The following GRK5 variants were observed in gnomAD, a reference collection of about 807,000 sequenced individuals.
GRK5 encodes g protein-coupled receptor kinase GRK5.
GRK5 carries 40 observed loss-of-function variants against 78.4 expected under a neutral mutation model. That is an observed-to-expected ratio of 0.51 (90% confidence interval 0.40 to 0.66). GRK5 has a LOEUF of 0.66. Ranked by LOEUF, GRK5 falls within the 30% of genes least tolerant of loss-of-function variation. GRK5 has a pLI of 0.00. For missense variants in GRK5, 598 were observed against 759.9 expected, an observed-to-expected ratio of 0.79 and a Z score of 2.50; for synonymous variants, 289 against 296.8, an observed-to-expected ratio of 0.97 and a Z score of 0.27.
intron 1 of GRK5, among the ~76,000 whole-genome samples, chr10:119,304,188 A>G (rs1339245514): frequency 6.6e-6 from 1 of 151,622 alleles, no homozygotes; most frequent in East Asian, 1.9e-4. Flanking sequence ...GAAGGACCAG[A>G]GCAGTGGGAT....
rs1226545182 is a variant in GRK5 at position 119,430,999 on chromosome 10, G to A, written c.598-388G>A. Among the ~76,000 whole-genome samples, 1 of 152,204 alleles carries A rather than the reference G, an allele frequency of 6.6e-6. No homozygotes were observed. Among genetic ancestry groups the A allele is most frequent in the African/African-American group, 2.4e-5 (1 of 41,456 alleles). On this transcript the variant is annotated intron_variant, in intron 7 of 15. Coordinates refer to ENST00000392870, the MANE Select transcript of GRK5 (RefSeq NM_005308.3). The surrounding 1 kb of genome is among the most constrained non-coding windows in gnomAD (Gnocchi z 4.5). ...CCCGCTTATCTGGATTATGAAGTCAGTGTTCTTGAGGATCTCCTATCACTG... is the reference window on the plus strand; with the variant it reads ...CCCGCTTATCTGGATTATGAAGTCAATGTTCTTGAGGATCTCCTATCACTG...
At chr10:119,226,481 G>A (rs1440625012) in intron 1 of GRK5, among the ~76,000 whole-genome samples, 1 of 150,606 alleles carries the variant, frequency 6.6e-6, no homozygotes, top group African/African-American at 2.4e-5. Flanking sequence ...CTAGTGATGT[G>A]AGTTCTGTCC....
intron 1 of GRK5, among the ~76,000 whole-genome samples, chr10:119,252,209 C>T (rs554124829): frequency 7.4e-4 from 113 of 152,314 alleles, no homozygotes; most frequent in African/African-American, 2.6e-3. Context: ...GTGGGGTGAG[C>T]TTGCCAGCCC....
chr10:119,243,831 C>A (rs1427291810), intron 1 of GRK5, among the ~76,000 whole-genome samples: 3 of 152,158 alleles, frequency 2.0e-5, no homozygotes, highest in African/African-American at 7.2e-5. Context: ...CACGAGGCAC[C>A]CCTGATAGGA....
intron 3 of GRK5, among the ~76,000 whole-genome samples, chr10:119,384,529 G>A (rs1851761863): frequency 6.6e-6 from 1 of 152,216 alleles, no homozygotes; most frequent in African/African-American, 2.4e-5. Context: ...GACTACATGA[G>A]TTCTTACCGC....
At position 119,452,970 on chromosome 10, in the gene GRK5, G is replaced by T. The variant is rs953056334; in HGVS notation, c.1542+162G>T. Among the ~76,000 whole-genome samples the T allele has an allele frequency of 6.6e-6, 1 of 152,174 alleles. No homozygotes were observed. Among genetic ancestry groups the T allele is most frequent in the African/African-American group, 2.4e-5 (1 of 41,442 alleles). On this transcript the variant is annotated intron_variant, in intron 14 of 15. Coordinates refer to ENST00000392870, the MANE Select transcript of GRK5 (RefSeq NM_005308.3). This position sits in a 1 kb window ranked among gnomAD's most constrained non-coding sequence, Gnocchi z 4.4. ...AAAGCTGTCAGTGGCCAAGTAGGGA[G>T]CTGTAGCCACCACGGGCCAGTCATT...
intron 4 of GRK5, among the ~76,000 whole-genome samples, chr10:119,414,129 C>G (rs887902853): frequency 1.3e-5 from 2 of 152,236 alleles, no homozygotes; most frequent in Non-Finnish European, 2.9e-5. Context: ...TCTCTCTCTC[C>G]TGCTCAGCCT....
chr10:119,284,144 G>A (rs1299733539), intron 1 of GRK5, among the ~76,000 whole-genome samples: 3 of 152,174 alleles, frequency 2.0e-5, no homozygotes, highest in African/African-American at 4.8e-5. Context: ...CAGAGCCACT[G>A]TCTAGGCCAG....
chr10:119,304,757 G>C (rs754341753), intron 1 of GRK5, among the ~76,000 whole-genome samples: 1 of 152,202 alleles, frequency 6.6e-6, no homozygotes, highest in Non-Finnish European at 1.5e-5. Flanking sequence ...TCTCTGTCTA[G>C]GGGTAGGGCA....
In GRK5 at chr10:119,245,004, G is replaced by A. The variant is rs573549521; in HGVS notation, c.52+37035G>A. 8.5e-5 allele frequency among the ~76,000 whole-genome samples: 13 copies of A among 152,254 alleles called. No homozygotes were observed. The South Asian group carries it at 2.5e-3, about 29-fold the overall frequency. On this transcript the variant is annotated intron_variant, in intron 1 of 15. Transcript: ENST00000392870. The stretch of plus-strand genomic sequence containing the variant: ...TATCCAAAAGAATTCAAGGCTGGGC[G>A]CGGTGGCTCGCACCTGTAATCCCAG...
At chr10:119,322,296 G>T (rs1185500297) in intron 1 of GRK5, among the ~76,000 whole-genome samples, 1 of 152,138 alleles carries the variant, frequency 6.6e-6, no homozygotes, top group South Asian at 2.1e-4. Flanking sequence ...TGTTCCAGGG[G>T]TCTGTCCTGT....
intron 1 of GRK5, among the ~76,000 whole-genome samples, chr10:119,286,688 C>T (rs1849852244): frequency 6.6e-6 from 1 of 152,258 alleles, no homozygotes; most frequent in South Asian, 2.1e-4. Flanking sequence ...AGCCCGCCTC[C>T]CCTGTTGCAG....
At chr10:119,243,888 G>T (rs1167453093) in intron 1 of GRK5, among the ~76,000 whole-genome samples, 1 of 152,190 alleles carries the variant, frequency 6.6e-6, no homozygotes, top group Non-Finnish European at 1.5e-5. Flanking sequence ...TAGGAGCCTA[G>T]ATTTTATAGT....
At chr10:119,357,851 G>T (rs1333353709) in intron 2 of GRK5, among the ~76,000 whole-genome samples, 1 of 152,158 alleles carries the variant, frequency 6.6e-6, no homozygotes, top group Admixed American at 6.5e-5. Context: ...GGGTGGGGGT[G>T]GGTGGTGGGG....
Position 119,253,962 on chromosome 10 carries a change from AG to A in GRK5, c.52+45995del, listed in dbSNP as rs1849242257. ...TCTTTTTGAGATTCCCCAGGGGAAA[AG>A]GAGAAAGTACAGAAAGCCGTGACAC... On this transcript the variant is annotated intron_variant, in intron 1 of 15. Coordinates refer to ENST00000392870, the MANE Select transcript of GRK5 (RefSeq NM_005308.3). This position sits in a 1 kb window ranked among gnomAD's most constrained non-coding sequence, Gnocchi z 5.7. Among the ~76,000 whole-genome samples the A allele has an allele frequency of 6.6e-6, 1 of 152,118 alleles. No homozygotes were observed. The highest frequency in any genetic ancestry group is 2.4e-5 in the African/African-American group (1 of 41,414).
At chr10:119,360,822 G>A (rs1347300895) in intron 2 of GRK5, among the ~76,000 whole-genome samples, 2 of 152,204 alleles carry the variant, frequency 1.3e-5, no homozygotes, top group African/African-American at 4.8e-5. Flanking sequence ...AGGCCCTGTG[G>A]GGATGCTGGG....
chr10:119,261,415 C>A (rs1466717543), intron 1 of GRK5, among the ~76,000 whole-genome samples: 3 of 143,120 alleles, frequency 2.1e-5, no homozygotes, highest in Non-Finnish European at 4.5e-5. Flanking sequence ...ACTTTCCAGA[C>A]TGGGCAGCCA....
chr10:119,254,776 C>G (rs2168219), intron 1 of GRK5, among the ~76,000 whole-genome samples: 1 of 151,986 alleles, frequency 6.6e-6, no homozygotes, highest in Admixed American at 6.6e-5. Context: ...AAAAACAGGC[C>G]GGGCACGGTG....
intron 1 of GRK5, among the ~76,000 whole-genome samples, chr10:119,261,853 A>C (rs1435502342): frequency 4.6e-5 from 7 of 152,350 alleles, no homozygotes; most frequent in South Asian, 2.1e-4. Context: ...GCAGCAGTAT[A>C]GTCCAGCTTC....
Sources: gnomAD v4.1 joint callset for allele counts (sites outside exome capture counted in the v4.1 genomes callset) on GRCh38, gnomAD v4.1.1 for gene constraint, Gnocchi (gnomAD v3.1) non-coding constraint, MANE v1.5 for transcripts, NCBI Gene and HGNC (gene_info 2026-07-23, HGNC 2026-07-21) for gene names.